Variants in CYP3A43 observed in about 807,000 individuals in gnomAD.
CYP3A43 encodes the protein cytochrome P450 3A43.
Under a neutral mutation model 58.0 loss-of-function variants are expected in CYP3A43, and 45 were observed. The observed-to-expected ratio is 0.78, with a 90% CI of 0.61 to 0.99. The LOEUF (loss-of-function observed/expected upper bound fraction) is 0.99. CYP3A43 is among the 50% of genes least tolerant of loss of function. CYP3A43 has a pLI of 0.00. For missense variants in CYP3A43, 593 were observed against 591.9 expected, an observed-to-expected ratio of 1.00 and a Z score of -0.02; for synonymous variants, 191 against 201.4, an observed-to-expected ratio of 0.95 and a Z score of 0.44.
At position 99,843,558 on chromosome 7, in the gene CYP3A43, C is replaced by T. The variant is rs140629581; in HGVS notation, c.219-585C>T. ...TTGGCTCACTGCAACCTCCACCTCCCGGGTTCAAGTGATTCTCCTGCCCTG... is the reference window on the plus strand; with the variant it reads ...TTGGCTCACTGCAACCTCCACCTCCTGGGTTCAAGTGATTCTCCTGCCCTG... On this transcript the variant is annotated intron_variant, in intron 3 of 12. Transcript: ENST00000354829. Among the ~76,000 whole-genome samples the T allele has an allele frequency of 0.012, 1,762 of 152,120 alleles. 92 individuals carry two copies. In the East Asian group the frequency reaches 0.18, roughly 16 times the overall value.
intron 5 of CYP3A43, 195 bp from the exon 6 acceptor site, chr7:99,847,971 G>A (rs774409679): frequency 1.4e-4 from 84 of 607,010 alleles, no homozygotes; most frequent in Non-Finnish European, 2.0e-4. Context: ...AGATTGCGCC[G>A]TTGCACTCCA....
chr7:99,831,228 A>G (rs556698987), intron 1 of CYP3A43, among the ~76,000 whole-genome samples: 1 of 152,344 alleles, frequency 6.6e-6, no homozygotes, highest in Admixed American at 6.5e-5. Flanking sequence ...TTTCAGCTTT[A>G]TCACATTTTA....
At chr7:99,839,096 A>G (rs1323294405) in intron 2 of CYP3A43, 24 bp from the exon 3 acceptor site, 1 of 1,614,052 alleles carries the variant, frequency 6.2e-7, no homozygotes, top group Non-Finnish European at 8.5e-7. Flanking sequence ...TAATACTTGA[A>G]TTGTATTTTG....
chr7:99,854,018 A>T (rs1383073283), intron 7 of CYP3A43, among the ~76,000 whole-genome samples: 1 of 152,166 alleles, frequency 6.6e-6, no homozygotes, highest in Admixed American at 6.5e-5. Flanking sequence ...AATTGCAGAC[A>T]TTCCAATTGC....
chr7:99,844,962 G>A (rs547852053), intron 4 of CYP3A43, among the ~76,000 whole-genome samples: 5 of 151,826 alleles, frequency 3.3e-5, no homozygotes, highest in African/African-American at 7.2e-5. Context: ...CCAGCTACTC[G>A]GGAGGCTGAG....
intron 2 of CYP3A43, chr7:99,838,616 A>T: frequency 8.0e-7 from 1 of 1,252,388 alleles, no homozygotes; most frequent in Non-Finnish European, 1.0e-6. Flanking sequence ...GAGAAAATTT[A>T]AAAGTGACTT....
intron 1 of CYP3A43, among the ~76,000 whole-genome samples, chr7:99,833,523 T>G (rs1456276276): frequency 6.6e-6 from 1 of 152,182 alleles, no homozygotes; most frequent in Non-Finnish European, 1.5e-5. Flanking sequence ...GGAGGAGAGA[T>G]AAGGCTCACT....
At chr7:99,833,729 C>T (rs940569097) in intron 1 of CYP3A43, among the ~76,000 whole-genome samples, 1 of 152,230 alleles carries the variant, frequency 6.6e-6, no homozygotes, top group Non-Finnish European at 1.5e-5. Context: ...TTTGCCACCT[C>T]CTCGCGGAGC....
chr7:99,854,568 G>A (rs1246426183), intron 7 of CYP3A43, among the ~76,000 whole-genome samples: 1 of 151,960 alleles, frequency 6.6e-6, no homozygotes, highest in African/African-American at 2.4e-5. Context: ...TATTTCATTA[G>A]GTTACACTTT....
At chr7:99,828,749 T>G (rs944248174) in intron 1 of CYP3A43, among the ~76,000 whole-genome samples, 8 of 152,164 alleles carry the variant, frequency 5.3e-5, no homozygotes, top group Admixed American at 2.0e-4. Context: ...TCTCTGACCC[T>G]CTTCTGTCTA....
Position 99,863,658 on chromosome 7 carries a change from G to T in CYP3A43, c.1375G>T (p.Ala459Ser). Reference protein sequence around the residue: ...LTNIKLAVIRALQNFSFKPCK... With the variant: ...LTNIKLAVIRSLQNFSFKPCK... ...AAACATAAAACTTGCTGTCATTAGA[G>T]CACTGCAGAACTTCTCCTTCAAACC... Residue 459 changes from alanine (A) to serine (S), a missense_variant, in exon 12 of 13, where the codon GCA (alanine) becomes TCA (serine). By Grantham distance (99) the Ala-to-Ser change is moderately conservative. Coordinates refer to ENST00000354829, the MANE Select transcript of CYP3A43 (RefSeq NM_057095.3). The T allele has an allele frequency of 6.2e-7, 1 of 1,613,246 alleles. No homozygotes were observed. Among genetic ancestry groups the T allele is most frequent in the Non-Finnish European group, 8.5e-7 (1 of 1,179,696 alleles).
intron 8 of CYP3A43, 80 bp from the exon 9 acceptor site, chr7:99,856,753 G>A: frequency 7.0e-7 from 1 of 1,428,398 alleles, no homozygotes; most frequent in Non-Finnish European, 9.8e-7. Flanking sequence ...CTCAGGAGGG[G>A]TGCTTAGGAC....
chr7:99,838,179 A>C (rs556377658), intron 2 of CYP3A43, among the ~76,000 whole-genome samples: 25 of 152,346 alleles, frequency 1.6e-4, no homozygotes, highest in Admixed American at 4.6e-4. Context: ...TGTGTCTGAC[A>C]TCTAGAGGTG....
At chr7:99,852,874 T>C (rs1817816402) in intron 7 of CYP3A43, among the ~76,000 whole-genome samples, 1 of 152,246 alleles carries the variant, frequency 6.6e-6, no homozygotes, top group African/African-American at 2.4e-5. Flanking sequence ...TTACTCATAC[T>C]GAGACGATTG....
rs188397207 is a variant in CYP3A43 at position 99,828,478 on chromosome 7, T to C, written c.71+292T>C. On this transcript the variant is annotated intron_variant, in intron 1 of 12. Transcript: ENST00000354829. ...GAGTTCAAGACCAGCCAGACCAACATGGTGAAACCCCTTCTCTACTAAAAA... is the reference window on the plus strand; with the variant it reads ...GAGTTCAAGACCAGCCAGACCAACACGGTGAAACCCCTTCTCTACTAAAAA... Among the ~76,000 whole-genome samples, 175 of 152,038 alleles carry C rather than the reference T, an allele frequency of 1.2e-3. 1 individual carries two copies. The highest frequency in any genetic ancestry group is 4.1e-3 in the African/African-American group (172 of 41,468).
rs778059301 is a variant in CYP3A43 at position 99,848,172 on chromosome 7, C to A, written c.439C>A (p.Pro147Thr). The A allele has an allele frequency of 1.9e-6, 3 of 1,614,020 alleles. No homozygotes were observed. Among genetic ancestry groups the A allele is most frequent in the South Asian group, 1.1e-5 (1 of 91,068 alleles). ...FTSVKFKEMV[P>T]IISQCGDMLV... is the part of the protein sequence containing the mutation. ...GGGTGGTGTTGTGTTTTAGATGGTC[C>A]CCATCATTTCCCAATGTGGAGATAT... Residue 147 changes from proline (P) to threonine (T), a missense_variant, in exon 6 of 13, where the codon CCC becomes ACC. Transcript: ENST00000354829.
chr7:99,836,414 T>C, intron 1 of CYP3A43, 39 bp from the exon 2 acceptor site: 1 of 1,566,928 alleles, frequency 6.4e-7, no homozygotes, highest in Non-Finnish European at 8.8e-7. Flanking sequence ...TCTATAAAGT[T>C]ACAATTTCTG....
intron 7 of CYP3A43, among the ~76,000 whole-genome samples, chr7:99,851,816 G>A (rs892812174): frequency 2.6e-5 from 4 of 152,076 alleles, no homozygotes; most frequent in Admixed American, 6.6e-5. Context: ...GATGATGCAC[G>A]ATTTGCGTAT....
At chr7:99,833,574 G>A (rs577415194) in intron 1 of CYP3A43, among the ~76,000 whole-genome samples, 143 of 152,340 alleles carry the variant, frequency 9.4e-4, no homozygotes, top group African/African-American at 3.4e-3. Context: ...AAAGACTCCA[G>A]CTCTTTCTCT....
Sources: allele counts gnomAD v4.1 joint callset (sites outside exome capture counted in the v4.1 genomes callset), GRCh38; gene constraint gnomAD v4.1.1; transcripts MANE v1.5; gene names NCBI Gene and HGNC (gene_info 2026-07-23, HGNC 2026-07-21).